The following CFAP299 variants were observed in gnomAD, a reference collection of about 807,000 sequenced individuals.
The protein encoded by CFAP299 is cilia- and flagella-associated protein 299.
Under a neutral mutation model 27.0 loss-of-function variants are expected in CFAP299, and 21 were observed. The ratio of observed to expected loss-of-function variants is 0.78; its 90% CI spans 0.55 to 1.12. The LOEUF is 1.12. Ranked by LOEUF, CFAP299 falls within the 50% of genes most tolerant of loss-of-function variation. The probability of loss-of-function intolerance (pLI) is 0.00; values close to 1 mark genes in which losing one functional copy is unlikely to be tolerated. For missense variants in CFAP299, 310 were observed against 276.6 expected (o/e 1.12, Z -0.86); for synonymous variants, 104 against 98.1 (o/e 1.06, Z -0.36).
intron 5 of CFAP299, among the ~76,000 whole-genome samples, chr4:80,949,901 T>C (rs148089322): frequency 3.9e-5 from 6 of 151,960 alleles, no homozygotes; most frequent in African/African-American, 1.4e-4. Context: ...TGTTAGAAGG[T>C]GTAGAGCAGT....
intron 3 of CFAP299, among the ~76,000 whole-genome samples, chr4:80,860,258 C>G (rs1177759054): frequency 2.6e-5 from 4 of 152,202 alleles, no homozygotes; most frequent in Non-Finnish European, 5.9e-5. Context: ...GCTTTCAGCT[C>G]CACCAGCTCC....
At chr4:80,475,604 G>A (rs546314425) in intron 2 of CFAP299, among the ~76,000 whole-genome samples, 2 of 152,224 alleles carry the variant, frequency 1.3e-5, no homozygotes, top group Admixed American at 1.3e-4. Flanking sequence ...GGAAAGAAGG[G>A]AATAAGAATA....
chr4:80,330,711 T>C, the CFAP299 span, among the ~76,000 whole-genome samples: 1 of 152,248 alleles, frequency 6.6e-6, no homozygotes, highest in African/African-American at 2.4e-5. Flanking sequence ...ACTTGTGCTG[T>C]TATTACATTG....
intron 3 of CFAP299, among the ~76,000 whole-genome samples, chr4:80,657,354 G>C (rs758551073): frequency 2.0e-5 from 3 of 152,122 alleles, no homozygotes; most frequent in Non-Finnish European, 4.4e-5. Flanking sequence ...GGTTTTTATG[G>C]TTTTAGGTCT....
At chr4:80,725,066 TC>T (rs1723076836) in intron 3 of CFAP299, among the ~76,000 whole-genome samples, 1 of 150,230 alleles carries the variant, frequency 6.7e-6, no homozygotes, top group African/African-American at 2.5e-5. Flanking sequence ...TGCCTCAGCC[TC>T]CTGAGTAGCT....
chr4:80,578,749 C>T (rs1296300664), intron 2 of CFAP299, among the ~76,000 whole-genome samples: 1 of 152,090 alleles, frequency 6.6e-6, no homozygotes, highest in Non-Finnish European at 1.5e-5. Flanking sequence ...TTGGACTAAA[C>T]AGTTGATAAA....
intron 2 of CFAP299, among the ~76,000 whole-genome samples, chr4:80,447,968 A>G (rs1394014364): frequency 6.6e-6 from 1 of 152,190 alleles, no homozygotes; most frequent in African/African-American, 2.4e-5. Flanking sequence ...AAGGCTTTAT[A>G]TGATCTAGCA....
intron 4 of CFAP299, among the ~76,000 whole-genome samples, chr4:80,944,488 T>G (rs543032783): frequency 1.3e-5 from 2 of 152,210 alleles, no homozygotes; most frequent in Non-Finnish European, 2.9e-5. Context: ...CTGAAGAACC[T>G]GAACTAGAAC....
chr4:80,396,435 T>C (rs575220239), intron 2 of CFAP299, among the ~76,000 whole-genome samples: 132 of 152,300 alleles, frequency 8.7e-4, no homozygotes, highest in African/African-American at 3.0e-3. Context: ...TAATACATTT[T>C]ATATTTACAA....
At chr4:80,958,569 A>C (rs1290928202) in intron 5 of CFAP299, among the ~76,000 whole-genome samples, 1 of 152,224 alleles carries the variant, frequency 6.6e-6, no homozygotes, top group Non-Finnish European at 1.5e-5. Context: ...TTTCTTAAGA[A>C]GAAGGAGAAA....
At chr4:80,735,430 CCTTT>C (rs995543811) in intron 3 of CFAP299, among the ~76,000 whole-genome samples, 3 of 151,894 alleles carry the variant, frequency 2.0e-5, no homozygotes, top group African/African-American at 4.8e-5. Flanking sequence ...GTTCTTTATT[CCTTT>C]CTTTCTTCTG....
intron 2 of CFAP299, among the ~76,000 whole-genome samples, chr4:80,523,999 TGGGTTAATACTGAAACA>T (rs1369795001): frequency 1.3e-5 from 2 of 152,108 alleles, no homozygotes; most frequent in Non-Finnish European, 2.9e-5. Context: ...GCCAGGCCTT[TGGGTTAATACTGAAACA>T]GTCACTTCTC....
At chr4:80,335,961 C>T in intron 1 of CFAP299, 82 bp downstream of exon 1, 2 of 896,818 alleles carry the variant, frequency 2.2e-6, no homozygotes, top group East Asian at 2.4e-5. Context: ...GGCTGGTCGC[C>T]CCCTGGCGCT....
intron 4 of CFAP299, chr4:80,873,012 C>T (rs1430565766): frequency 2.0e-6 from 2 of 980,648 alleles, no homozygotes; most frequent in African/African-American, 3.5e-5. Context: ...GCAGTTTGTG[C>T]TTTTGTATTT....
chr4:80,411,400 T>C, intron 2 of CFAP299, among the ~76,000 whole-genome samples: 1 of 152,140 alleles, frequency 6.6e-6, no homozygotes, highest in African/African-American at 2.4e-5. Context: ...AGTTAACTTA[T>C]TCTGAGTCTT....
At chr4:80,483,540 G>T (rs192779647) in intron 2 of CFAP299, among the ~76,000 whole-genome samples, 1 of 151,774 alleles carries the variant, frequency 6.6e-6, no homozygotes, top group Non-Finnish European at 1.5e-5. Flanking sequence ...GTATAATGTG[G>T]GTTTAAAGCA....
At chr4:80,825,765 T>C (rs1383574658) in intron 3 of CFAP299, among the ~76,000 whole-genome samples, 5 of 151,788 alleles carry the variant, frequency 3.3e-5, no homozygotes, top group Non-Finnish European at 5.9e-5. Context: ...GAGAGTAAAA[T>C]GAAAGGACAA....
At chr4:80,326,013 C>T in the CFAP299 span, among the ~76,000 whole-genome samples, 1 of 152,212 alleles carries the variant, frequency 6.6e-6, no homozygotes, top group African/African-American at 2.4e-5. Flanking sequence ...CAAAAATTAT[C>T]TTCCTATTTG....
At chr4:80,593,211 A>G (rs1249270095) in intron 3 of CFAP299, among the ~76,000 whole-genome samples, 1 of 152,196 alleles carries the variant, frequency 6.6e-6, no homozygotes, top group African/African-American at 2.4e-5. Context: ...GCAGAGGGGA[A>G]GATCTAAATC....
Sources: allele counts gnomAD v4.1 joint callset (sites outside exome capture counted in the v4.1 genomes callset), GRCh38; gene constraint gnomAD v4.1.1; transcripts MANE v1.5; gene names NCBI Gene and HGNC (gene_info 2026-07-23, HGNC 2026-07-21).